The following MTF1 variants were observed in gnomAD, a reference collection of about 807,000 sequenced individuals.
The protein encoded by MTF1 is MRE-binding transcription factor.
A neutral mutation model predicts 70.4 loss-of-function variants in MTF1; 22 were observed. That is an observed-to-expected ratio of 0.31 (90% CI 0.22 to 0.45). The LOEUF (loss-of-function observed/expected upper bound fraction) is 0.45. Among genes scored for constraint, MTF1 ranks in the 20% least tolerant of loss-of-function variants. The pLI is 1.00. For missense variants in MTF1, 649 were observed against 922.0 expected (o/e 0.70, Z 3.83); for synonymous variants, 333 against 352.8 (o/e 0.94, Z 0.63).
intron 7 of MTF1, among the ~76,000 whole-genome samples, chr1:37,829,864 T>G (rs1049789883): frequency 6.6e-6 from 1 of 152,108 alleles, no homozygotes; most frequent in Non-Finnish European, 1.5e-5. Flanking sequence ...CTAAAATCAA[T>G]TTCCACATCT....
At chr1:37,856,049 A>G (rs963264033) in intron 2 of MTF1, among the ~76,000 whole-genome samples, 2 of 152,224 alleles carry the variant, frequency 1.3e-5, no homozygotes, top group African/African-American at 4.8e-5. Context: ...ATAATTTGTA[A>G]AATGCTTTAC....
At position 37,857,648 on chromosome 1, in the gene MTF1, T is replaced by G. The variant is rs1266579475; in HGVS notation, c.11A>C (p.His4Pro). The change falls in exon 2 of 11, where the codon CAC (histidine) becomes CCC (proline). Residue 4 changes from histidine to proline, a missense_variant. This residue lies in a region of MTF1 where 34 missense variants were observed against 38.7 expected (regional missense o/e 0.88). Coordinates refer to ENST00000373036, the MANE Select transcript of MTF1 (RefSeq NM_005955.3). ...GTAGATGATGTTGTTGTCTGGACTG[T>G]GTTCCCCCATGGTTCAGTTGTGCTC... MGE[H>P]SPDNNIIYFE... is the part of the protein sequence containing the mutation. 1 of 1,613,758 alleles carries G rather than the reference T, an allele frequency of 6.2e-7. No homozygotes were observed. Among genetic ancestry groups the G allele is most frequent in the Non-Finnish European group, 8.5e-7 (1 of 1,179,934 alleles).
At chr1:37,843,303 G>GTTTTTTTT (rs989250808) in intron 2 of MTF1, among the ~76,000 whole-genome samples, 2 of 148,162 alleles carry the variant, frequency 1.3e-5, no homozygotes, top group Non-Finnish European at 3.0e-5. Flanking sequence ...GCCTGGCCTG[G>GTTTTTTTT]TTTTTTTTTT....
chr1:37,822,643 T>C lies in MTF1; in HGVS notation c.1245A>G (p.Ala415=). 1 of 1,613,882 alleles carries C rather than the reference T, an allele frequency of 6.2e-7. No individual in the cohort carries two copies. Among genetic ancestry groups the C allele is most frequent in the Admixed American group, 1.7e-5 (1 of 60,014 alleles). The part of the protein sequence containing the change: ...SDVPPSTGNS[A]SLSLPLVLQP... ...GCAGTACAAGTGGAAGAGATAAAGA[T>C]GCTGAATTTCCTGTGGATGGCGGAA... Residue 415 remains alanine (A), a synonymous_variant, in exon 9 of 11, where the codon GCA becomes GCG. Transcript: ENST00000373036.
rs1640769918 is a variant in MTF1, at chr1:37,813,603, G to A, written c.*1533C>T. 1 of 152,294 alleles carries A rather than the reference G, an allele frequency of 6.6e-6. No homozygotes were observed. Among genetic ancestry groups the A allele is most frequent in the Admixed American group, 6.5e-5 (1 of 15,290 alleles). The allele number at this position is 152,294 out of a possible 1,614,324, so 9.4% of individuals were successfully genotyped here. ...CTTCCTGCCTGACACTGTTGGCTTA[G>A]AAGAGCAGCCTTGTTTGTGGAACAC... On this transcript the variant is annotated 3_prime_UTR_variant, in exon 11 of 11. Coordinates refer to ENST00000373036, the MANE Select transcript of MTF1 (RefSeq NM_005955.3).
chr1:37,832,650 T>C (rs1288843967), intron 6 of MTF1, among the ~76,000 whole-genome samples: 1 of 152,104 alleles, frequency 6.6e-6, no homozygotes, highest in Non-Finnish European at 1.5e-5. Flanking sequence ...CGTGAATTAG[T>C]TAATTTTTAA....
chr1:37,815,347 G>C lies in MTF1; in HGVS notation c.2051C>G (p.Pro684Arg), dbSNP rs764396522. The change falls in exon 11 of 11, where the codon CCC (proline) becomes CGC (arginine). Residue 684 changes from proline (P) to arginine (R), a missense_variant. Physicochemically the swap from Pro to Arg is moderately radical, Grantham distance 103 (BLOSUM62 -2). Coordinates refer to ENST00000373036, the MANE Select transcript of MTF1 (RefSeq NM_005955.3). This position sits in a 1 kb window ranked among gnomAD's most constrained non-coding sequence, Gnocchi z 4.5. ...PAQTFSSAPV[P>R]GSSSSTLPSS... is the part of the protein sequence containing the mutation. ...GGGCAAGGTAGAGGATGATGACCCG[G>C]GAACAGGGGCTGAAGAGAAAGTCTG... is the stretch of plus-strand genomic sequence containing the variant. The C allele has an allele frequency of 1.2e-6, 2 of 1,614,022 alleles. No homozygotes were observed. Among genetic ancestry groups the C allele is most frequent in the African/African-American group, 2.7e-5 (2 of 74,900 alleles).
intron 4 of MTF1, among the ~76,000 whole-genome samples, chr1:37,836,199 G>A (rs1641167639): frequency 6.6e-6 from 1 of 152,110 alleles, no homozygotes; most frequent in Admixed American, 6.5e-5. Flanking sequence ...AGAGGTTCTT[G>A]AAAAAGTAAG....
chr1:37,838,797 C>CTTTTTTTTTTTTTGTTTTTTTT, intron 3 of MTF1, 41 bp from the exon 4 acceptor site: 1 of 473,688 alleles, frequency 2.1e-6, no homozygotes, highest in Non-Finnish European at 2.9e-6. Context: ...TCATAAAATT[C>CTTTTTTTTTTTTTGTTTTTTTT]TTTTTTTTTT....
intron 1 of MTF1, among the ~76,000 whole-genome samples, chr1:37,859,065 ACG>A (rs1641552318): frequency 2.0e-5 from 3 of 152,216 alleles, no homozygotes; most frequent in Admixed American, 6.5e-5. Flanking sequence ...GCTCTGGCTT[ACG>A]CAACCCCACA....
At chr1:37,855,807 A>C (rs556835939) in intron 2 of MTF1, among the ~76,000 whole-genome samples, 4 of 152,060 alleles carry the variant, frequency 2.6e-5, no homozygotes, top group Non-Finnish European at 5.9e-5. Flanking sequence ...AAATTCAAAA[A>C]ATTAGCTGGG....
rs763643120 is a variant in MTF1, at chr1:37,823,739, G to A, written c.1142C>T (p.Thr381Met). ...CTGTTGAGGATCTTCCTGAATTGCC[G>A]TATCATCTGAATTCTGGAACATTGA... Reference protein sequence around the residue: ...FESMFQNSDDTAIQEDPQQTA... With the variant: ...FESMFQNSDDMAIQEDPQQTA... The change falls in exon 8 of 11, where the codon ACG becomes ATG. Residue 381 changes from threonine to methionine, a missense_variant. Physicochemically the swap from Thr to Met is moderately conservative, Grantham distance 81. Coordinates refer to ENST00000373036, the MANE Select transcript of MTF1 (RefSeq NM_005955.3). 9.9e-6 allele frequency: 16 copies of A among 1,613,826 alleles called. No homozygotes were observed. Among genetic ancestry groups the A allele is most frequent in the Admixed American group, 8.3e-5 (5 of 60,008 alleles).
chr1:37,816,931 T>C (rs1475316941), intron 10 of MTF1, among the ~76,000 whole-genome samples: 4 of 152,166 alleles, frequency 2.6e-5, no homozygotes, highest in African/African-American at 9.6e-5. Context: ...CAACTAGTGC[T>C]TTGGTTCCAC....
rs182230136 is a variant in MTF1 at position 37,822,415 on chromosome 1, T to C, written c.1473A>G (p.Ala491=). The C allele has an allele frequency of 5.6e-6, 9 of 1,614,138 alleles. No individual in the cohort carries two copies. In the East Asian group the frequency reaches 2.0e-4, roughly 36 times the overall value. ...NHQEFLPHPQ[A]PQPIVPGLSV... is the part of the protein sequence containing the mutation. Reference sequence around the variant, plus strand: ...AAAGTCCTGGTACAATGGGCTGCGGTGCCTGGGGGTGCGGAAGAAACTCTT... The same window carrying C: ...AAAGTCCTGGTACAATGGGCTGCGGCGCCTGGGGGTGCGGAAGAAACTCTT... The change falls in exon 9 of 11, where the codon GCA becomes GCG. Residue 491 remains alanine (A), a synonymous_variant. Coordinates refer to ENST00000373036, the MANE Select transcript of MTF1 (RefSeq NM_005955.3).
intron 4 of MTF1, 148 bp downstream of exon 4, chr1:37,838,477 G>T: frequency 1.9e-6 from 1 of 516,528 alleles, no homozygotes; most frequent in South Asian, 3.2e-5. Context: ...ATCTGCAGTG[G>T]TTGGTTATAG....
chr1:37,829,917 C>T (rs545195103), intron 7 of MTF1, among the ~76,000 whole-genome samples: 1 of 152,174 alleles, frequency 6.6e-6, no homozygotes, highest in East Asian at 1.9e-4. Flanking sequence ...ATAATTAAAC[C>T]CCAAGGGATA....
chr1:37,820,756 A>G (rs187925778), intron 9 of MTF1, among the ~76,000 whole-genome samples: 14 of 152,344 alleles, frequency 9.2e-5, no homozygotes, highest in Non-Finnish European at 1.8e-4. Flanking sequence ...AATGGACCCT[A>G]AACTATGGAC....
At chr1:37,826,020 C>T (rs936607123) in intron 7 of MTF1, among the ~76,000 whole-genome samples, 2 of 152,116 alleles carry the variant, frequency 1.3e-5, no homozygotes, top group Non-Finnish European at 2.9e-5. Context: ...CACCCCTAGC[C>T]CCTGTGTTGT....
intron 2 of MTF1, among the ~76,000 whole-genome samples, chr1:37,844,622 G>C (rs775585620): frequency 3.9e-5 from 6 of 152,208 alleles, no homozygotes; most frequent in African/African-American, 9.6e-5. Flanking sequence ...GAGTCTGCAT[G>C]TATCAATCAT....
Sources: gnomAD v4.1 joint callset for allele counts (sites outside exome capture counted in the v4.1 genomes callset) on GRCh38, gnomAD v4.1.1 for gene constraint, gnomAD v4.1.1 regional missense constraint, Gnocchi (gnomAD v3.1) non-coding constraint, MANE v1.5 for transcripts, NCBI Gene and HGNC (gene_info 2026-07-23, HGNC 2026-07-21) for gene names.